Variants in SULF1 observed in about 807,000 individuals in gnomAD.
SULF1 encodes the protein sulfatase 1, also known as extracellular sulfatase Sulf-1.
In SULF1, 46 loss-of-function variants were observed where a neutral mutation model predicts 110.5. That is an observed-to-expected ratio of 0.42 (90% CI 0.33 to 0.53). The LOEUF (loss-of-function observed/expected upper bound fraction) is 0.53, where lower values mean the gene tolerates loss of function less well. Ranked by LOEUF, SULF1 falls within the 20% of genes least tolerant of loss-of-function variation. The pLI is 0.12. For missense variants in SULF1, 941 were observed against 1,094.2 expected, an observed-to-expected ratio of 0.86 and a Z score of 1.98; for synonymous variants, 371 against 387.1, an observed-to-expected ratio of 0.96 and a Z score of 0.49.
At chr8:69,475,404 T>C (rs1291389982) in intron 1 of SULF1, among the ~76,000 whole-genome samples, 2 of 133,862 alleles carry the variant, frequency 1.5e-5, no homozygotes, top group Admixed American at 7.1e-5. Flanking sequence ...ATCCCCAGAG[T>C]TCAAATAAAT....
chr8:69,591,524 A>G (rs1314659084), intron 8 of SULF1, among the ~76,000 whole-genome samples: 15 of 151,874 alleles, frequency 9.9e-5, no homozygotes, highest in Non-Finnish European at 1.5e-5. Context: ...AGATCGCACC[A>G]CTGCACTCCA....
Position 69,624,162 on chromosome 8 carries a change from C to A in SULF1, c.1815C>A (p.Ala605=), listed in dbSNP as rs760150978. Residue 605 remains alanine (A), a synonymous_variant, in exon 15 of 23, where the codon GCC becomes GCA. Transcript: ENST00000402687. Reference sequence around the variant, plus strand: ...GGATGCTGGCAGATAGCAGCAACGCCGTGGGCCCACCTACCACTGTCCGAG... The same window carrying A: ...GGATGCTGGCAGATAGCAGCAACGCAGTGGGCCCACCTACCACTGTCCGAG... ...RGRMLADSSN[A]VGPPTTVRVT... 9.9e-6 allele frequency: 16 copies of A among 1,608,054 alleles called. No homozygotes were observed. Among genetic ancestry groups the A allele is most frequent in the Non-Finnish European group, 9.4e-6 (11 of 1,176,342 alleles).
At chr8:69,609,630 TCTTCA>T (rs1808484065) in intron 13 of SULF1, among the ~76,000 whole-genome samples, 1 of 152,202 alleles carries the variant, frequency 6.6e-6, no homozygotes, top group Non-Finnish European at 1.5e-5. Context: ...AACCTGCATC[TCTTCA>T]CTTCACGTTG....
chr8:69,553,615 C>A (rs1005905779), intron 3 of SULF1, among the ~76,000 whole-genome samples: 13 of 152,210 alleles, frequency 8.5e-5, no homozygotes, highest in Non-Finnish European at 1.6e-4. Flanking sequence ...TTCAGATTCA[C>A]AACTTTATAA....
chr8:69,585,568 G>T (rs1806394933), intron 6 of SULF1, among the ~76,000 whole-genome samples: 1 of 152,072 alleles, frequency 6.6e-6, no homozygotes, highest in African/African-American at 2.4e-5. Flanking sequence ...GTGGCACAGT[G>T]GTCTTTCTTG....
chr8:69,538,523 C>A (rs141097097), intron 3 of SULF1, among the ~76,000 whole-genome samples: 2 of 152,052 alleles, frequency 1.3e-5, no homozygotes, highest in African/African-American at 2.4e-5. Flanking sequence ...TCTGAAAGCA[C>A]CTGTCTGGAA....
At chr8:69,584,552 T>C (rs1186969488) in intron 6 of SULF1, 1 of 152,206 alleles carries the variant, frequency 6.6e-6, no homozygotes, top group East Asian at 1.9e-4. Flanking sequence ...AATAAACCCA[T>C]CATAAGTTGA....
intron 13 of SULF1, among the ~76,000 whole-genome samples, chr8:69,618,962 G>A (rs1809388905): frequency 6.6e-6 from 1 of 152,214 alleles, no homozygotes; most frequent in Non-Finnish European, 1.5e-5. Context: ...TTACTTTGCA[G>A]TAGGACACTT....
At chr8:69,516,863 C>A (rs893153746) in intron 3 of SULF1, among the ~76,000 whole-genome samples, 2 of 152,080 alleles carry the variant, frequency 1.3e-5, no homozygotes. Context: ...CATTAAAAAA[C>A]AAATACCTTA....
chr8:69,529,632 T>C (rs978189549), intron 3 of SULF1, among the ~76,000 whole-genome samples: 2 of 152,132 alleles, frequency 1.3e-5, no homozygotes, highest in African/African-American at 4.8e-5. Context: ...GACCCTACAT[T>C]GTTCTAAGGG....
rs544349078 is a variant in SULF1 at position 69,506,376 on chromosome 8, G to T, written c.-134+4408G>T. On this transcript the variant is annotated intron_variant, in intron 3 of 22. Transcript: ENST00000402687. The stretch of plus-strand genomic sequence containing the variant: ...TTTGAGACTAATCACTTTCACATGT[G>T]AGACTTCAATGCAAATCTAAGTGAT... Among the ~76,000 whole-genome samples, 754 of 152,286 alleles carry T rather than the reference G, an allele frequency of 5.0e-3. 17 individuals are homozygous for T. Among genetic ancestry groups the T allele is most frequent in the Admixed American group, 6.1e-3 (94 of 15,302 alleles).
chr8:69,533,975 A>G (rs543281254), intron 3 of SULF1, among the ~76,000 whole-genome samples: 144 of 152,358 alleles, frequency 9.5e-4, no homozygotes, highest in Middle Eastern at 3.4e-3. Context: ...GCTAAAGTCA[A>G]CTATTTTTCC....
chr8:69,640,318 C>G (rs1216721098), intron 21 of SULF1, among the ~76,000 whole-genome samples: 1 of 152,116 alleles, frequency 6.6e-6, no homozygotes. Flanking sequence ...GGTGACATAA[C>G]AACTCTACTT....
At chr8:69,489,072 CAGTT>C (rs562795937), upstream of SULF1, among the ~76,000 whole-genome samples, 46 of 152,220 alleles carry the variant, frequency 3.0e-4, 2 homozygotes, top group East Asian at 7.9e-3. Context: ...GGGGAGCTCA[CAGTT>C]AGGCCTTGGG....
chr8:69,467,984 A>G (rs1808926017), intron 1 of SULF1, among the ~76,000 whole-genome samples: 1 of 134,928 alleles, frequency 7.4e-6, no homozygotes, highest in African/African-American at 3.0e-5. Flanking sequence ...TTTAATTTAT[A>G]GTATTAAAAA....
intron 19 of SULF1, chr8:69,638,180 C>T: frequency 4.1e-6 from 1 of 241,058 alleles, no homozygotes; most frequent in Non-Finnish European, 7.8e-6. Context: ...TGATATTTTT[C>T]TTCTCATACT....
intron 22 of SULF1, among the ~76,000 whole-genome samples, chr8:69,641,693 A>G (rs903402067): frequency 1.3e-5 from 2 of 152,140 alleles, no homozygotes; most frequent in African/African-American, 4.8e-5. Flanking sequence ...GCAGTGAGCT[A>G]TGATAGTGAC....
chr8:69,657,281 C>T (rs1029397011), intron 22 of SULF1, among the ~76,000 whole-genome samples: 4 of 152,024 alleles, frequency 2.6e-5, no homozygotes. Context: ...TCTTTTGCTT[C>T]CTCTTTGTTT....
chr8:69,624,028 G>A lies in SULF1; in HGVS notation c.1681G>A (p.Glu561Lys). ...EGEIYDINLE[E>K]EEELQVLQPR... Reference sequence around the variant, plus strand: ...TGAAATATATGACATAAATCTGGAAGAAGAAGAAGAATTGCAAGTGTTGCA... The same window carrying A: ...TGAAATATATGACATAAATCTGGAAAAAGAAGAAGAATTGCAAGTGTTGCA... Residue 561 changes from glutamate to lysine, a missense_variant, in exon 15 of 23, where the codon GAA (glutamate) becomes AAA (lysine). Physicochemically the swap from Glu to Lys is moderately conservative, Grantham distance 56. This residue lies in a region of SULF1 where 822 missense variants were observed against 934.3 expected (regional missense o/e 0.88). Transcript: ENST00000402687. 1 of 1,614,186 alleles carries A rather than the reference G, an allele frequency of 6.2e-7. No individual in the cohort carries two copies. The highest frequency in any genetic ancestry group is 8.5e-7 in the Non-Finnish European group (1 of 1,180,042).
Sources: allele counts gnomAD v4.1 joint callset (sites outside exome capture counted in the v4.1 genomes callset), GRCh38; gene constraint gnomAD v4.1.1; regional missense constraint gnomAD v4.1.1; transcripts MANE v1.5; gene names NCBI Gene and HGNC (gene_info 2026-07-23, HGNC 2026-07-21).